The following KNSTRN variants were observed in gnomAD, a reference collection of about 807,000 sequenced individuals.
KNSTRN encodes kinetochore localized astrin (SPAG5) binding protein.
In KNSTRN, 38 loss-of-function variants were observed where a neutral mutation model predicts 44.7. The observed-to-expected ratio is 0.85, with a 90% CI of 0.66 to 1.11. The LOEUF (loss-of-function observed/expected upper bound fraction) is 1.11. Ranked by LOEUF, KNSTRN falls within the 50% of genes most tolerant of loss-of-function variation. KNSTRN has a pLI of 0.00. For synonymous variants in KNSTRN, 158 were observed against 148.1 expected (o/e 1.07, Z -0.48); for missense variants, 406 against 375.8 (o/e 1.08, Z -0.66).
intron 6 of KNSTRN, 142 bp downstream of exon 6, chr15:40,390,071 T>G (rs1889973151): frequency 1.5e-6 from 1 of 652,852 alleles, no homozygotes; most frequent in Non-Finnish European, 2.7e-6. Context: ...TTGGAAAGCT[T>G]CTGTTTGTTT....
chr15:40,388,488 C>A (rs113189667), intron 4 of KNSTRN, among the ~76,000 whole-genome samples: 13,427 of 152,042 alleles, frequency 0.088, 813 homozygotes, highest in Non-Finnish European at 0.13. Flanking sequence ...ATCTCAAGGT[C>A]AGGAGACCAT....
At position 40,392,009 on chromosome 15, in the gene KNSTRN, A is replaced by T; in HGVS notation, c.808A>T (p.Met270Leu). 6 of 1,610,764 alleles carry T rather than the reference A, an allele frequency of 3.7e-6. No homozygotes were observed. Among genetic ancestry groups the T allele is most frequent in the Non-Finnish European group, 5.1e-6 (6 of 1,178,828 alleles). The change falls in exon 8 of 9, where the codon ATG (methionine) becomes TTG (leucine). Residue 270 changes from methionine (M) to leucine (L), a missense_variant. Coordinates refer to ENST00000249776, the MANE Select transcript of KNSTRN (RefSeq NM_033286.4). ...KLFNETAKKQ[M>L]EELQALKVKL... ...TTTTAACGAAACAGCCAAAAAGCAG[A>T]TGGAGGAGTTACAGGTGAGAGGCAG... is the stretch of plus-strand genomic sequence containing the variant.
At chr15:40,390,515 A>C (rs767906085) in intron 6 of KNSTRN, among the ~76,000 whole-genome samples, 72 of 152,386 alleles carry the variant, frequency 4.7e-4, no homozygotes, top group Non-Finnish European at 8.7e-4. Flanking sequence ...AGACTGAGTC[A>C]AAGAGCCAGA....
intron 2 of KNSTRN, among the ~76,000 whole-genome samples, chr15:40,383,834 CTT>C (rs2141271663): frequency 6.6e-6 from 1 of 152,298 alleles, no homozygotes; most frequent in African/African-American, 2.4e-5. Context: ...ATTTGAGAAA[CTT>C]GGGCGAAGAG....
Position 40,383,314 on chromosome 15 carries a change from A to G in KNSTRN, c.296A>G (p.Gln99Arg), listed in dbSNP as rs763903875. 6.2e-7 allele frequency: 1 copy of G among 1,610,706 alleles called. No homozygotes were observed. Among genetic ancestry groups the G allele is most frequent in the Non-Finnish European group, 8.5e-7 (1 of 1,177,706 alleles). The change falls in exon 2 of 9, where the codon CAG (glutamine) becomes CGG (arginine). Residue 99 changes from glutamine to arginine, a missense_variant. Gln to Arg is a conservative substitution (Grantham distance 43, BLOSUM62 1). Transcript: ENST00000249776. ...CCCCCCTCTGCGCTGAGCGGCGGCC[A>G]GCCGGCAGGTGAGGGTCCAAGCCAC... ...LQPPSALSGG[Q>R]PADTQTRATS... is the part of the protein sequence containing the mutation.
chr15:40,389,945 C>T lies in KNSTRN; in HGVS notation c.685+16C>T. 6.3e-7 allele frequency: 1 copy of T among 1,599,152 alleles called. No individual in the cohort carries two copies. Among genetic ancestry groups the T allele is most frequent in the Non-Finnish European group, 8.6e-7 (1 of 1,166,264 alleles). On this transcript the variant is annotated intron_variant, in intron 6 of 8. Coordinates refer to ENST00000249776, the MANE Select transcript of KNSTRN (RefSeq NM_033286.4). ...CTTGATCCAGGTAAGAGACAGCACA[C>T]AGCTAGCCTCCTTTGAAGGAATTGG...
At chr15:40,390,147 T>G (rs1181879862) in intron 6 of KNSTRN, among the ~76,000 whole-genome samples, 1 of 152,234 alleles carries the variant, frequency 6.6e-6, no homozygotes, top group Non-Finnish European at 1.5e-5. Context: ...GGGTTATCTC[T>G]TTCTTACCTG....
chr15:40,385,321 C>G (rs1012757494), intron 2 of KNSTRN, among the ~76,000 whole-genome samples: 4 of 152,210 alleles, frequency 2.6e-5, no homozygotes, highest in Non-Finnish European at 4.4e-5. Context: ...GGAAAATGCT[C>G]TCCTTTGGGG....
chr15:40,383,243 C>T lies in KNSTRN; in HGVS notation c.225C>T (p.Arg75=). 1 of 1,614,108 alleles carries T rather than the reference C, an allele frequency of 6.2e-7. No individual in the cohort carries two copies. The highest frequency in any genetic ancestry group is 1.1e-5 in the South Asian group (1 of 91,084). The part of the protein sequence containing the change: ...DRRAPGVQPC[R]LVTMTSVVKT... ...TACCTTCCAGGGTTCAGCCGTGCCGCCTCGTTACGATGACCAGTGTGGTTA... is the reference window on the plus strand; with the variant it reads ...TACCTTCCAGGGTTCAGCCGTGCCGTCTCGTTACGATGACCAGTGTGGTTA... The change falls in exon 2 of 9, where the codon CGC becomes CGT. Residue 75 remains arginine (R), a synonymous_variant. Transcript: ENST00000249776.
At chr15:40,391,639 T>C (rs902980984) in intron 7 of KNSTRN, 85 bp downstream of exon 7, 2 of 1,135,660 alleles carry the variant, frequency 1.8e-6, no homozygotes, top group Non-Finnish European at 2.6e-6. Flanking sequence ...ATATATTCCA[T>C]AAACTCCAAG....
chr15:40,386,917 G>A, intron 3 of KNSTRN: 2 of 573,800 alleles, frequency 3.5e-6, no homozygotes, highest in East Asian at 2.9e-5. Flanking sequence ...GCCATCTTGA[G>A]AGGAACAGCT....
chr15:40,386,954 G>C (rs535245928), intron 3 of KNSTRN: 4 of 598,862 alleles, frequency 6.7e-6, no homozygotes, highest in South Asian at 3.9e-5. Context: ...GTGGTCGGAG[G>C]CATGCCCCTT....
chr15:40,387,885 G>A (rs1253039032), intron 4 of KNSTRN, among the ~76,000 whole-genome samples: 1 of 152,144 alleles, frequency 6.6e-6, no homozygotes, highest in Non-Finnish European at 1.5e-5. Context: ...GCGCATGTCT[G>A]TAATCCCAGC....
At position 40,389,501 on chromosome 15, in the gene KNSTRN, T is replaced by C. The variant is rs768661486; in HGVS notation, c.486-5T>C. ...CTTTTCATGTAAGTACAACTATTAT[T>C]ACAGCTACAAACCACTGAGTAAGCA... On this transcript the variant is annotated splice_region_variant and splice_polypyrimidine_tract_variant and intron_variant, in intron 4 of 8. Coordinates refer to ENST00000249776, the MANE Select transcript of KNSTRN (RefSeq NM_033286.4). 17 of 1,608,512 alleles carry C rather than the reference T, an allele frequency of 1.1e-5. No individual in the cohort carries two copies.
intron 4 of KNSTRN, among the ~76,000 whole-genome samples, chr15:40,387,413 T>C (rs191161138): frequency 6.6e-6 from 1 of 152,320 alleles, no homozygotes; most frequent in East Asian, 1.9e-4. Flanking sequence ...TACTATCTTG[T>C]GTCTCAAGCA....
intron 6 of KNSTRN, 43 bp downstream of exon 6, chr15:40,389,972 G>A: frequency 1.3e-6 from 2 of 1,488,738 alleles, no homozygotes; most frequent in Non-Finnish European, 1.9e-6. Flanking sequence ...AGGAATTGGT[G>A]CATGTGCCCC....
chr15:40,388,460 G>A (rs1889938536), intron 4 of KNSTRN, among the ~76,000 whole-genome samples: 1 of 152,132 alleles, frequency 6.6e-6, no homozygotes, highest in African/African-American at 2.4e-5. Flanking sequence ...CAGGATTTTG[G>A]GAGGCCGAGG....
chr15:40,390,008 G>A (rs1188127457), intron 6 of KNSTRN, 79 bp downstream of exon 6: 6 of 1,081,202 alleles, frequency 5.5e-6, no homozygotes, highest in Middle Eastern at 2.0e-4. Flanking sequence ...TGGCAGCATG[G>A]CATCAGCTGG....
intron 6 of KNSTRN, among the ~76,000 whole-genome samples, chr15:40,391,140 T>C (rs952236034): frequency 4.6e-5 from 7 of 152,172 alleles, no homozygotes; most frequent in Non-Finnish European, 1.0e-4. Flanking sequence ...CCGAAAGTAA[T>C]AATTTTTTAA....
Sources: allele counts gnomAD v4.1 joint callset (sites outside exome capture counted in the v4.1 genomes callset), GRCh38; gene constraint gnomAD v4.1.1; transcripts MANE v1.5; gene names NCBI Gene and HGNC (gene_info 2026-07-23, HGNC 2026-07-21).